CRACD: variants seen among roughly 807,000 people sequenced by gnomAD.
CRACD encodes capping protein inhibiting regulator of actin dynamics.
CRACD carries 56 observed loss-of-function variants against 106.8 expected under a neutral mutation model. The observed-to-expected ratio is 0.52, with a 90% CI of 0.42 to 0.66. The LOEUF (loss-of-function observed/expected upper bound fraction) is 0.66, where lower values mean the gene tolerates loss of function less well. Among genes scored for constraint, CRACD ranks in the 30% least tolerant of loss-of-function variants. The pLI is 0.00. For missense variants in CRACD, 1,730 were observed against 1,623.2 expected, an observed-to-expected ratio of 1.07 and a Z score of -1.13; for synonymous variants, 754 against 670.8, an observed-to-expected ratio of 1.12 and a Z score of -1.92.
At chr4:56,153,626 C>G (rs145014181) in intron 1 of CRACD, among the ~76,000 whole-genome samples, 1 of 152,330 alleles carries the variant, frequency 6.6e-6, no homozygotes, top group African/African-American at 2.4e-5. Flanking sequence ...ATGTCACGTC[C>G]TTGCTTAAAA....
At chr4:56,112,129 T>C (rs895761699) in intron 1 of CRACD, among the ~76,000 whole-genome samples, 2 of 152,186 alleles carry the variant, frequency 1.3e-5, no homozygotes. Flanking sequence ...GAGTCAGGCA[T>C]GGTGGTTGCT....
At chr4:56,102,764 C>G (rs1733821045) in intron 1 of CRACD, among the ~76,000 whole-genome samples, 1 of 152,232 alleles carries the variant, frequency 6.6e-6, no homozygotes, top group Non-Finnish European at 1.5e-5. Context: ...GCTCTTCACA[C>G]TCTGCTGATC....
intron 1 of CRACD, among the ~76,000 whole-genome samples, chr4:56,167,435 C>A (rs1736195832): frequency 6.6e-6 from 1 of 152,144 alleles, no homozygotes; most frequent in African/African-American, 2.4e-5. Context: ...TTGAATCAAG[C>A]TAATTAACAT....
chr4:56,284,391 T>G, intron 3 of CRACD, among the ~76,000 whole-genome samples: 1 of 146,878 alleles, frequency 6.8e-6, no homozygotes, highest in East Asian at 2.1e-4. Context: ...TGACCTAACA[T>G]AGTACTGGGG....
At chr4:56,113,469 A>C (rs1734184610) in intron 1 of CRACD, among the ~76,000 whole-genome samples, 1 of 152,222 alleles carries the variant, frequency 6.6e-6, no homozygotes, top group South Asian at 2.1e-4. Context: ...GGACATTTTT[A>C]GTGATTATAA....
chr4:56,184,654 C>A (rs1737007408), intron 2 of CRACD, among the ~76,000 whole-genome samples: 1 of 152,182 alleles, frequency 6.6e-6, no homozygotes, highest in Non-Finnish European at 1.5e-5. Context: ...CTACATGGGC[C>A]AGGCAAATCT....
At chr4:56,280,724 A>G (rs918405000) in intron 3 of CRACD, among the ~76,000 whole-genome samples, 3 of 152,170 alleles carry the variant, frequency 2.0e-5, no homozygotes, top group African/African-American at 7.2e-5. Flanking sequence ...CCAGTTTCCC[A>G]CCTTGGTAAA....
chr4:56,216,132 A>G (rs1372542223), intron 2 of CRACD: 1 of 152,170 alleles, frequency 6.6e-6, no homozygotes, highest in Non-Finnish European at 1.5e-5. Context: ...ATGCGTTGCC[A>G]CCAGATGATG....
chr4:56,135,149 G>A (rs938908588), intron 1 of CRACD, among the ~76,000 whole-genome samples: 16 of 152,282 alleles, frequency 1.1e-4, no homozygotes, highest in African/African-American at 3.9e-4. Context: ...AACCAGGCCT[G>A]GCGGTATGCG....
At chr4:56,261,361 C>CTT (rs369710516) in intron 2 of CRACD, among the ~76,000 whole-genome samples, 3,748 of 141,008 alleles carry the variant, frequency 0.027, 135 homozygotes, top group African/African-American at 0.076. Context: ...TCTTCTTCTT[C>CTT]TTTTTTTTTT....
chr4:56,119,676 A>G (rs550688462), intron 1 of CRACD, among the ~76,000 whole-genome samples: 1 of 152,164 alleles, frequency 6.6e-6, no homozygotes, highest in South Asian at 2.1e-4. Flanking sequence ...ATCTAGTTTT[A>G]CAATTTTAAT....
At chr4:56,294,121 G>A (rs889743179) in intron 3 of CRACD, among the ~76,000 whole-genome samples, 4 of 152,006 alleles carry the variant, frequency 2.6e-5, no homozygotes, top group African/African-American at 9.7e-5. Flanking sequence ...AGCTACTTGG[G>A]AGACTGAGGC....
intron 2 of CRACD, among the ~76,000 whole-genome samples, chr4:56,231,968 C>T (rs1039775724): frequency 3.3e-5 from 5 of 152,084 alleles, no homozygotes; most frequent in African/African-American, 1.2e-4. Context: ...TGAAGAAATA[C>T]CTAAGGATGT....
intron 2 of CRACD, among the ~76,000 whole-genome samples, chr4:56,220,896 G>A (rs901597330): frequency 2.0e-5 from 3 of 152,106 alleles, no homozygotes; most frequent in Non-Finnish European, 4.4e-5. Context: ...CATTTAGCTG[G>A]ATCTTGAAAG....
At chr4:56,050,894 C>T (rs1335783941) in intron 1 of CRACD, among the ~76,000 whole-genome samples, 1 of 152,160 alleles carries the variant, frequency 6.6e-6, no homozygotes, top group Non-Finnish European at 1.5e-5. Flanking sequence ...ACTTACCGAC[C>T]ACTGAATTTG....
rs575079552 is a variant in CRACD, at chr4:56,130,714, G to A, written c.-335-48570G>A. ...CACAATGCTTAGTAATGTCATAGTT[G>A]TTTTTTTTCCTGTTTCTTTTCATGG... On this transcript the variant is annotated intron_variant, in intron 1 of 10. Coordinates refer to ENST00000682029, the MANE Select transcript of CRACD (RefSeq NM_001393381.1). Among the ~76,000 whole-genome samples, 5 of 151,908 alleles carry A rather than the reference G, an allele frequency of 3.3e-5. No individual in the cohort carries two copies. The South Asian group carries it at 8.3e-4, about 25-fold the overall frequency.
At chr4:56,153,172 G>A (rs1422269564) in intron 1 of CRACD, among the ~76,000 whole-genome samples, 3 of 151,980 alleles carry the variant, frequency 2.0e-5, no homozygotes, top group African/African-American at 4.8e-5. Context: ...CCAGCTACTC[G>A]GGAGGCTGAG....
intron 1 of CRACD, among the ~76,000 whole-genome samples, chr4:56,095,131 C>T (rs955549376): frequency 1.3e-5 from 2 of 152,144 alleles, no homozygotes; most frequent in African/African-American, 4.8e-5. Context: ...GTAAGAGGAT[C>T]ACCTGAGTCC....
intron 1 of CRACD, among the ~76,000 whole-genome samples, chr4:56,129,936 G>C (rs1734773135): frequency 6.6e-6 from 1 of 152,130 alleles, no homozygotes; most frequent in Admixed American, 6.5e-5. Context: ...ATGGATTTCA[G>C]CAGAACATAA....
Sources: gnomAD v4.1 joint callset for allele counts (sites outside exome capture counted in the v4.1 genomes callset) on GRCh38, gnomAD v4.1.1 for gene constraint, MANE v1.5 for transcripts, NCBI Gene and HGNC (gene_info 2026-07-23, HGNC 2026-07-21) for gene names.